CNTNAP2: variants seen among roughly 807,000 people sequenced by gnomAD.
The protein encoded by CNTNAP2 is contactin associated protein 2.
Under a neutral mutation model 155.2 loss-of-function variants are expected in CNTNAP2, and 98 were observed. The ratio of observed to expected loss-of-function variants is 0.63; its 90% CI spans 0.54 to 0.75. The LOEUF (loss-of-function observed/expected upper bound fraction) is 0.75. Ranked by LOEUF, CNTNAP2 falls within the 30% of genes least tolerant of loss-of-function variation. The pLI, the probability that CNTNAP2 is intolerant of heterozygous loss-of-function variation, is 0.00. For synonymous variants in CNTNAP2, 651 were observed against 631.2 expected (o/e 1.03, Z -0.47); for missense variants, 1,727 against 1,688.1 (o/e 1.02, Z -0.40).
intron 1 of CNTNAP2, among the ~76,000 whole-genome samples, chr7:146,472,643 C>A (rs1796817071): frequency 6.6e-6 from 1 of 152,120 alleles, no homozygotes; most frequent in Admixed American, 6.5e-5. Flanking sequence ...AGCTTTAAAT[C>A]AATATAGATT....
At chr7:146,477,131 G>A (rs1241350546) in intron 1 of CNTNAP2, among the ~76,000 whole-genome samples, 1 of 152,112 alleles carries the variant, frequency 6.6e-6, no homozygotes, top group Non-Finnish European at 1.5e-5. Flanking sequence ...AATTATATTT[G>A]TTACAAGTCA....
chr7:146,654,096 T>C (rs1227460843), intron 1 of CNTNAP2, among the ~76,000 whole-genome samples: 1 of 152,118 alleles, frequency 6.6e-6, no homozygotes, highest in Non-Finnish European at 1.5e-5. Context: ...GCTCTTTTTC[T>C]TACCCATTTG....
At chr7:147,389,399 T>C (rs1373974319) in intron 9 of CNTNAP2, among the ~76,000 whole-genome samples, 1 of 152,222 alleles carries the variant, frequency 6.6e-6, no homozygotes, top group Non-Finnish European at 1.5e-5. Flanking sequence ...TTCAACCTTG[T>C]TGTCCACCGT....
intron 1 of CNTNAP2, among the ~76,000 whole-genome samples, chr7:146,263,465 T>C (rs983943671): frequency 6.6e-6 from 1 of 152,112 alleles, no homozygotes; most frequent in African/African-American, 2.4e-5. Context: ...CGTAGAAAAA[T>C]ATAATCTTGG....
intron 16 of CNTNAP2, among the ~76,000 whole-genome samples, chr7:148,119,983 C>A (rs946237577): frequency 4.0e-5 from 6 of 151,776 alleles, no homozygotes; most frequent in African/African-American, 1.5e-4. Context: ...GGGATTCTTG[C>A]TTCCCTCAGT....
chr7:147,233,076 T>C (rs1803720563), intron 8 of CNTNAP2, among the ~76,000 whole-genome samples: 1 of 152,238 alleles, frequency 6.6e-6, no homozygotes, highest in Non-Finnish European at 1.5e-5. Flanking sequence ...AAGGTTTATA[T>C]ATTCCTTCAG....
chr7:147,445,767 T>C (rs774023026), intron 10 of CNTNAP2, among the ~76,000 whole-genome samples: 2 of 152,158 alleles, frequency 1.3e-5, no homozygotes, highest in Admixed American at 6.5e-5. Flanking sequence ...TTTCTTTCCT[T>C]CTTTCTCTCT....
chr7:146,661,411 C>T (rs1563177311), intron 1 of CNTNAP2, among the ~76,000 whole-genome samples: 1 of 152,018 alleles, frequency 6.6e-6, no homozygotes, highest in African/African-American at 2.4e-5. Flanking sequence ...AAAAGGACCC[C>T]CATGCTCCGA....
At chr7:146,168,456 C>T (rs1348150039) in intron 1 of CNTNAP2, among the ~76,000 whole-genome samples, 3 of 152,150 alleles carry the variant, frequency 2.0e-5, no homozygotes, top group South Asian at 2.1e-4. Context: ...AGGACAGAGA[C>T]TCCCGTTATT....
At chr7:146,628,682 A>G (rs1428911638) in intron 1 of CNTNAP2, among the ~76,000 whole-genome samples, 1 of 152,154 alleles carries the variant, frequency 6.6e-6, no homozygotes, top group Non-Finnish European at 1.5e-5. Flanking sequence ...GAGAGAGTAG[A>G]ACTTTCCTGT....
At chr7:147,468,680 C>T (rs1798160802) in intron 10 of CNTNAP2, among the ~76,000 whole-genome samples, 2 of 152,170 alleles carry the variant, frequency 1.3e-5, no homozygotes, top group South Asian at 2.1e-4. Context: ...CTAAAACTCA[C>T]TTGAAAGTCA....
At chr7:148,144,422 G>A (rs895386755) in intron 16 of CNTNAP2, among the ~76,000 whole-genome samples, 2 of 152,234 alleles carry the variant, frequency 1.3e-5, no homozygotes, top group Non-Finnish European at 2.9e-5. Context: ...TCCCCTGCAA[G>A]GGAAAGCAAT....
At chr7:148,357,556 C>T (rs1439903064) in intron 21 of CNTNAP2, among the ~76,000 whole-genome samples, 2 of 152,206 alleles carry the variant, frequency 1.3e-5, no homozygotes, top group Non-Finnish European at 2.9e-5. Context: ...TCCCTTGATC[C>T]TGTGCCCCAA....
chr7:146,384,776 A>G (rs563104682), intron 1 of CNTNAP2, among the ~76,000 whole-genome samples: 37 of 152,312 alleles, frequency 2.4e-4, no homozygotes, highest in African/African-American at 6.7e-4. Context: ...AGTTGGGACT[A>G]TGCCTTTTGT....
chr7:146,736,451 T>C (rs1203373897), intron 1 of CNTNAP2, among the ~76,000 whole-genome samples: 1 of 152,180 alleles, frequency 6.6e-6, no homozygotes, highest in Admixed American at 6.5e-5. Context: ...GCTAAGTGTT[T>C]TCCTGAACTA....
chr7:146,815,254 T>C (rs1324980444), intron 2 of CNTNAP2, among the ~76,000 whole-genome samples: 1 of 152,166 alleles, frequency 6.6e-6, no homozygotes, highest in East Asian at 1.9e-4. Context: ...AAGACATAAG[T>C]TATATGACAG....
intron 10 of CNTNAP2, among the ~76,000 whole-genome samples, chr7:147,450,487 G>A (rs886318842): frequency 1.3e-5 from 2 of 152,154 alleles, no homozygotes; most frequent in African/African-American, 4.8e-5. Flanking sequence ...ACTCAGCCAA[G>A]CTCACATGGA....
chr7:146,236,489 C>G (rs569686267), intron 1 of CNTNAP2, among the ~76,000 whole-genome samples: 1 of 152,282 alleles, frequency 6.6e-6, no homozygotes, highest in Admixed American at 6.5e-5. Context: ...GAATGCTACA[C>G]AGTCATATTT....
chr7:147,376,982 T>C (rs754748931), intron 9 of CNTNAP2, among the ~76,000 whole-genome samples: 58 of 152,138 alleles, frequency 3.8e-4, no homozygotes, highest in Middle Eastern at 6.8e-3. Context: ...TCAAATTTTC[T>C]TAGTTCCTGT....
Sources: gnomAD v4.1 joint callset for allele counts (sites outside exome capture counted in the v4.1 genomes callset) on GRCh38, gnomAD v4.1.1 for gene constraint, MANE v1.5 for transcripts, NCBI Gene and HGNC (gene_info 2026-07-23, HGNC 2026-07-21) for gene names.